Variants in SUPT3H observed in about 807,000 individuals in gnomAD.
SUPT3H encodes the protein SPT3 homolog, SAGA and STAGA complex component.
SUPT3H carries 44 observed loss-of-function variants against 44.3 expected under a neutral mutation model. That is an observed-to-expected ratio of 0.99 (90% CI 0.78 to 1.28). The LOEUF (loss-of-function observed/expected upper bound fraction) is 1.28. SUPT3H is among the 50% of genes most tolerant of loss of function. The pLI is 0.00. For synonymous variants in SUPT3H, 124 were observed against 125.6 expected, an observed-to-expected ratio of 0.99 and a Z score of 0.09; for missense variants, 380 against 387.1, an observed-to-expected ratio of 0.98 and a Z score of 0.15.
At chr6:45,276,894 A>G (rs992510557) in intron 2 of SUPT3H, among the ~76,000 whole-genome samples, 1 of 152,216 alleles carries the variant, frequency 6.6e-6, no homozygotes, top group African/African-American at 2.4e-5. Context: ...GATAACTGAT[A>G]CAAGATACTT....
chr6:45,343,244 TCA>T (rs1162351739), intron 2 of SUPT3H, among the ~76,000 whole-genome samples: 1 of 151,960 alleles, frequency 6.6e-6, no homozygotes, highest in African/African-American at 2.4e-5. Flanking sequence ...GTGCAGTGGC[TCA>T]CACCTGTAAT....
chr6:45,167,890 C>A (rs1810152908), intron 2 of SUPT3H, among the ~76,000 whole-genome samples: 1 of 151,964 alleles, frequency 6.6e-6, no homozygotes, highest in Non-Finnish European at 1.5e-5. Context: ...TGGCTCACTG[C>A]AACCTCCGCC....
rs138144059 is a variant in SUPT3H at position 45,350,144 on chromosome 6, T to G, written c.101+15057A>C. Among the ~76,000 whole-genome samples the G allele has an allele frequency of 6.6e-3, 1,005 of 152,280 alleles. 9 individuals carry two copies. The highest frequency in any genetic ancestry group is 0.01 in the Non-Finnish European group (703 of 68,018). ...ATTTCTGAGAAATGAGAAATAAAAT[T>G]GATATTTCTAATACAATTAGAATGT... On this transcript the variant is annotated intron_variant, in intron 2 of 10. Transcript: ENST00000371459.
intron 2 of SUPT3H, among the ~76,000 whole-genome samples, chr6:45,330,667 A>T (rs1787289107): frequency 6.6e-6 from 1 of 151,964 alleles, no homozygotes; most frequent in Non-Finnish European, 1.5e-5. Flanking sequence ...CTTAATAACT[A>T]TTCAAAATTT....
intron 6 of SUPT3H, among the ~76,000 whole-genome samples, chr6:44,976,655 G>A (rs993020415): frequency 2.6e-5 from 4 of 151,030 alleles, no homozygotes; most frequent in Non-Finnish European, 5.9e-5. Context: ...GAGGCACTGC[G>A]CCCGGCCATA....
intron 3 of SUPT3H, among the ~76,000 whole-genome samples, chr6:45,022,986 T>C (rs995346208): frequency 6.6e-6 from 1 of 152,108 alleles, no homozygotes; most frequent in African/African-American, 2.4e-5. Context: ...AAGGGTCAAC[T>C]GTGTTATTAT....
At chr6:45,159,412 T>C (rs984791800) in intron 2 of SUPT3H, 1 of 152,148 alleles carries the variant, frequency 6.6e-6, no homozygotes, top group Admixed American at 6.6e-5. Context: ...TGATCAGTTA[T>C]CTCAGGCACA....
chr6:45,307,508 G>A (rs139015068), intron 2 of SUPT3H, among the ~76,000 whole-genome samples: 2,015 of 152,278 alleles, frequency 0.013, 25 homozygotes, highest in Non-Finnish European at 0.021. Flanking sequence ...AGGCAAACAG[G>A]GTCTGGAGTG....
intron 10 of SUPT3H, among the ~76,000 whole-genome samples, chr6:44,848,750 G>A (rs1772336145): frequency 6.6e-6 from 1 of 152,154 alleles, no homozygotes; most frequent in African/African-American, 2.4e-5. Flanking sequence ...GAAAGCAGGG[G>A]GGATTACTAT....
At chr6:45,286,362 A>T (rs1779271436) in intron 2 of SUPT3H, among the ~76,000 whole-genome samples, 1 of 152,226 alleles carries the variant, frequency 6.6e-6, no homozygotes, top group African/African-American at 2.4e-5. Flanking sequence ...CAAAGGGCGA[A>T]TATCTAGAAT....
chr6:44,825,833 G>A (rs932966550), downstream of SUPT3H, among the ~76,000 whole-genome samples: 4 of 152,024 alleles, frequency 2.6e-5, no homozygotes, highest in East Asian at 5.8e-4. Flanking sequence ...TGAAAAAAAT[G>A]AGAATAGTGA....
chr6:45,013,861 T>C (rs992011798), intron 5 of SUPT3H, among the ~76,000 whole-genome samples: 1 of 152,082 alleles, frequency 6.6e-6, no homozygotes, highest in Non-Finnish European at 1.5e-5. Context: ...TGAGTTAAGG[T>C]GGCAGAATGG....
In SUPT3H at chr6:45,134,474, C is replaced by G. The variant is rs373015427; in HGVS notation, c.102-28468G>C. On this transcript the variant is annotated intron_variant, in intron 2 of 10. Coordinates refer to ENST00000371459, the MANE Select transcript of SUPT3H (RefSeq NM_003599.4). Reference sequence around the variant, plus strand: ...CACATTCATTCCATCCCAATAGCCCCAAAGTCTTAACTCATTCCAGCAGCA... The same window carrying G: ...CACATTCATTCCATCCCAATAGCCCGAAAGTCTTAACTCATTCCAGCAGCA... Among the ~76,000 whole-genome samples the G allele has an allele frequency of 7.0e-4, 107 of 152,274 alleles. 3 individuals carry two copies. The South Asian group carries it at 0.021, about 30-fold the overall frequency.
At chr6:45,233,987 C>T (rs1019368678) in intron 2 of SUPT3H, among the ~76,000 whole-genome samples, 1 of 152,172 alleles carries the variant, frequency 6.6e-6, no homozygotes, top group African/African-American at 2.4e-5. Context: ...TGGATACATT[C>T]TCAAATTCTT....
At chr6:45,328,357 A>G in intron 2 of SUPT3H, 1 of 1,384,234 alleles carries the variant, frequency 7.2e-7, no homozygotes, top group African/African-American at 1.5e-5. Context: ...CCACAGAACC[A>G]CAAGTGCGGT....
chr6:45,258,244 G>A (rs1773742489), intron 2 of SUPT3H, among the ~76,000 whole-genome samples: 2 of 152,102 alleles, frequency 1.3e-5, no homozygotes, highest in South Asian at 4.1e-4. Context: ...ACATGTTTAT[G>A]TAAAATTAAA....
chr6:45,069,380 G>A (rs1346477212), intron 3 of SUPT3H, among the ~76,000 whole-genome samples: 1 of 152,174 alleles, frequency 6.6e-6, no homozygotes, highest in African/African-American at 2.4e-5. Context: ...GACTAACACT[G>A]AAATCTGGAT....
At chr6:44,897,899 A>T (rs908017091) in intron 10 of SUPT3H, among the ~76,000 whole-genome samples, 8 of 152,196 alleles carry the variant, frequency 5.3e-5, no homozygotes, top group East Asian at 1.9e-4. Context: ...TTGACATTTA[A>T]TTTTTTCAGT....
intron 2 of SUPT3H, among the ~76,000 whole-genome samples, chr6:45,296,712 C>G (rs1207058944): frequency 8.6e-6 from 1 of 115,622 alleles, no homozygotes; most frequent in Non-Finnish European, 1.7e-5. Context: ...GCACTCCAGC[C>G]TGGCCAACAG....
Sources: allele counts gnomAD v4.1 joint callset (sites outside exome capture counted in the v4.1 genomes callset), GRCh38; gene constraint gnomAD v4.1.1; transcripts MANE v1.5; gene names NCBI Gene and HGNC (gene_info 2026-07-23, HGNC 2026-07-21).